RAB11FIP5: variants seen among roughly 807,000 people sequenced by gnomAD.
The protein encoded by RAB11FIP5 is RAB11 family interacting protein 5.
In RAB11FIP5, 48 loss-of-function variants were observed where a neutral mutation model predicts 85.1. That is an observed-to-expected ratio of 0.56 (90% CI 0.45 to 0.72). The LOEUF (loss-of-function observed/expected upper bound fraction) is 0.72. Among genes scored for constraint, RAB11FIP5 ranks in the 30% least tolerant of loss-of-function variants. RAB11FIP5 has a pLI of 0.00. For synonymous variants in RAB11FIP5, 729 were observed against 727.3 expected (o/e 1.00, Z -0.04); for missense variants, 1,491 against 1,687.0 (o/e 0.88, Z 2.04).
At chr2:73,112,220 T>C in intron 1 of RAB11FIP5, 127 bp downstream of exon 1, 1 of 1,123,254 alleles carries the variant, frequency 8.9e-7, no homozygotes, top group African/African-American at 1.7e-5. Flanking sequence ...AACGTTTCTG[T>C]CGGTTTACGC....
rs189450864 is a variant in RAB11FIP5, at chr2:73,075,065, G to C, written c.*456C>G. ...AACAGGCAGCGTGGTCATTGTCCCAGTAATACTAGAAGCCCCTCCAGGGAC... is the reference window on the plus strand; with the variant it reads ...AACAGGCAGCGTGGTCATTGTCCCACTAATACTAGAAGCCCCTCCAGGGAC... On this transcript the variant is annotated 3_prime_UTR_variant, in exon 6 of 6. Transcript: ENST00000486777. This position sits in a 1 kb window ranked among gnomAD's most constrained non-coding sequence, Gnocchi z 4.6. The C allele has an allele frequency of 1.4e-5, 5 of 364,774 alleles. No individual in the cohort carries two copies. The Admixed American group carries it at 1.9e-4, about 14-fold the overall frequency. 22.6% of individuals were successfully genotyped at this position (364,774 alleles called of 1,614,324 possible). A position where few individuals can be genotyped will look rare whatever the true frequency, so the allele number is the denominator to read the frequency against.
At chr2:73,093,728 C>G (rs925091036) in intron 1 of RAB11FIP5, among the ~76,000 whole-genome samples, 1 of 152,242 alleles carries the variant, frequency 6.6e-6, no homozygotes, top group African/African-American at 2.4e-5. Flanking sequence ...TCCTCTCACT[C>G]TCTCCCACGA....
intron 1 of RAB11FIP5, among the ~76,000 whole-genome samples, chr2:73,094,900 A>T (rs1684288036): frequency 6.6e-6 from 1 of 151,806 alleles, no homozygotes. Context: ...CTAGAAATTA[A>T]GAGTGTTAAG....
intron 1 of RAB11FIP5, among the ~76,000 whole-genome samples, chr2:73,107,150 G>C (rs1684544337): frequency 6.6e-6 from 1 of 152,146 alleles, no homozygotes; most frequent in Admixed American, 6.5e-5. Context: ...ACTCACATGT[G>C]GACTCATTTT....
In RAB11FIP5 at chr2:73,081,845, C is replaced by A. The variant is rs1387105051; in HGVS notation, c.1569-182G>T. The stretch of plus-strand genomic sequence containing the variant: ...AACATGTAACATTATCAAGTGCCTC[C>A]CAAGGAGAAATATGCCAGGCAAAGC... On this transcript the variant is annotated intron_variant, in intron 3 of 5. Coordinates refer to ENST00000486777, the MANE Select transcript of RAB11FIP5 (RefSeq NM_001371272.1). The surrounding 1 kb of genome is among the most constrained non-coding windows in gnomAD (Gnocchi z 4.2). Among the ~76,000 whole-genome samples the A allele has an allele frequency of 6.6e-6, 1 of 152,052 alleles. No individual in the cohort carries two copies. The highest frequency in any genetic ancestry group is 1.5e-5 in the Non-Finnish European group (1 of 68,004).
At chr2:73,092,954 G>C (rs1684245815) in intron 1 of RAB11FIP5, among the ~76,000 whole-genome samples, 1 of 152,136 alleles carries the variant, frequency 6.6e-6, no homozygotes, top group Non-Finnish European at 1.5e-5. Flanking sequence ...CCTTCTCCCA[G>C]AAGTATGGCC....
At chr2:73,085,775 C>G (rs1684080835) in intron 3 of RAB11FIP5, among the ~76,000 whole-genome samples, 1 of 152,316 alleles carries the variant, frequency 6.6e-6, no homozygotes, top group Middle Eastern at 3.4e-3. Context: ...CAGCCCCGGG[C>G]CTCTCTGTGG....
At position 73,112,864 on chromosome 2, in the gene RAB11FIP5, G is replaced by C; in HGVS notation, c.-87C>G. On this transcript the variant is annotated 5_prime_UTR_variant, in exon 1 of 6. Coordinates refer to ENST00000486777, the MANE Select transcript of RAB11FIP5 (RefSeq NM_001371272.1). ...ACCCGGCCGCGGCAGAAGGCGGTCA[G>C]GAACCAACTCTGAGCGCCGCCGCAG... 6 of 1,248,860 alleles carry C rather than the reference G, an allele frequency of 4.8e-6. No homozygotes were observed. The highest frequency in any genetic ancestry group is 6.2e-6 in the Non-Finnish European group (6 of 973,708). The allele number at this position is 1,248,860 out of a possible 1,614,324, so 77.4% of individuals were successfully genotyped here.
In RAB11FIP5 at chr2:73,086,628, T is replaced by C. The variant is rs182584282; in HGVS notation, c.1568+1422A>G. 3.3e-4 allele frequency among the ~76,000 whole-genome samples: 51 copies of C among 152,282 alleles called. No individual in the cohort carries two copies. In the East Asian group the frequency reaches 9.3e-3, roughly 28 times the overall value. On this transcript the variant is annotated intron_variant, in intron 3 of 5. Coordinates refer to ENST00000486777, the MANE Select transcript of RAB11FIP5 (RefSeq NM_001371272.1). This position sits in a 1 kb window ranked among gnomAD's most constrained non-coding sequence, Gnocchi z 4.4. Reference sequence around the variant, plus strand: ...TCCCAGCAAATGCCCTGTCCAGATCTCCTGCTACCTCCCTCTACCCTACCA... The same window carrying C: ...TCCCAGCAAATGCCCTGTCCAGATCCCCTGCTACCTCCCTCTACCCTACCA...
rs1389977882 is a variant in RAB11FIP5, at chr2:73,089,989, G to C, written c.432-674C>G. On this transcript the variant is annotated intron_variant, in intron 1 of 5. Transcript: ENST00000486777. The surrounding 1 kb of genome is among the most constrained non-coding windows in gnomAD (Gnocchi z 4.6). The stretch of plus-strand genomic sequence containing the variant: ...CAAGATGCAGGAACAGACAAGAATG[G>C]CAGAAAGAGACCCAGGAAAGACGAA... Among the ~76,000 whole-genome samples, 1 of 152,018 alleles carries C rather than the reference G, an allele frequency of 6.6e-6. No homozygotes were observed. Among genetic ancestry groups the C allele is most frequent in the Non-Finnish European group, 1.5e-5 (1 of 68,022 alleles).
rs781746269 is a variant in RAB11FIP5 at position 73,089,010 on chromosome 2, G to A, written c.737C>T (p.Thr246Ile). 1 of 1,614,244 alleles carries A rather than the reference G, an allele frequency of 6.2e-7. No homozygotes were observed. The highest frequency in any genetic ancestry group is 2.2e-5 in the East Asian group (1 of 44,884). ...LRNKLRKSSL[T>I]QSNTSLGSDS... ...CGAGCCCAGCGAGGTGTTGGACTGG[G>A]TCAGGGACGACTTGCGCAGCTTGTT... Residue 246 changes from threonine (T) to isoleucine (I), a missense_variant, in exon 2 of 6, where the codon ACC (threonine) becomes ATC (isoleucine). This residue lies in a region of RAB11FIP5 where 1,211 missense variants were observed against 1,338.0 expected (regional missense o/e 0.91). Transcript: ENST00000486777. The surrounding 1 kb of genome is among the most constrained non-coding windows in gnomAD (Gnocchi z 4.6).
In RAB11FIP5 at chr2:73,089,423, T is replaced by G; in HGVS notation, c.432-108A>C. 1 of 1,134,486 alleles carries G rather than the reference T, an allele frequency of 8.8e-7. No individual in the cohort carries two copies. The highest frequency in any genetic ancestry group is 1.3e-6 in the Non-Finnish European group (1 of 755,952). The allele number at this position is 1,134,486 out of a possible 1,614,324, so 70.3% of individuals were successfully genotyped here. On this transcript the variant is annotated intron_variant, in intron 1 of 5. Transcript: ENST00000486777. This position sits in a 1 kb window ranked among gnomAD's most constrained non-coding sequence, Gnocchi z 4.6. ...CCCTCCTTGCTCTGAGAGCCACTGATAGCCTCTCCCCAAAGGCTCCTGCTC... is the reference window on the plus strand; with the variant it reads ...CCCTCCTTGCTCTGAGAGCCACTGAGAGCCTCTCCCCAAAGGCTCCTGCTC...
At chr2:73,099,368 G>A (rs930295249) in intron 1 of RAB11FIP5, among the ~76,000 whole-genome samples, 1 of 152,176 alleles carries the variant, frequency 6.6e-6, no homozygotes, top group South Asian at 2.1e-4. Flanking sequence ...ACTTTGCAAT[G>A]CTGTATATTT....
At chr2:73,101,372 C>T in intron 1 of RAB11FIP5, among the ~76,000 whole-genome samples, 1 of 152,102 alleles carries the variant, frequency 6.6e-6, no homozygotes, top group Non-Finnish European at 1.5e-5. Context: ...GATCCTAACT[C>T]AACAAATCAC....
At position 73,088,969 on chromosome 2, in the gene RAB11FIP5, A is replaced by G; in HGVS notation, c.778T>C (p.Ser260Pro). 6.2e-7 allele frequency: 1 copy of G among 1,613,946 alleles called. No homozygotes were observed. The highest frequency in any genetic ancestry group is 8.5e-7 in the Non-Finnish European group (1 of 1,179,888). Reference sequence around the variant, plus strand: ...TGGTAGGCCAAGCTCCCGCTGGCTGAGGACAGGGTGCTGTCCGAGCCCAGC... The same window carrying G: ...TGGTAGGCCAAGCTCCCGCTGGCTGGGGACAGGGTGCTGTCCGAGCCCAGC... ...TSLGSDSTLS[S>P]ASGSLAYQGP... The change falls in exon 2 of 6, where the codon TCA (serine) becomes CCA (proline). Residue 260 changes from serine (S) to proline (P), a missense_variant. Physicochemically the swap from Ser to Pro is moderately conservative, Grantham distance 74. This residue lies in a region of RAB11FIP5 where 1,211 missense variants were observed against 1,338.0 expected (regional missense o/e 0.91). Transcript: ENST00000486777.
At chr2:73,100,524 C>G (rs1450667330) in intron 1 of RAB11FIP5, among the ~76,000 whole-genome samples, 1 of 143,234 alleles carries the variant, frequency 7.0e-6, no homozygotes, top group Non-Finnish European at 1.5e-5. Context: ...CTTCCAGGTT[C>G]AAGCAATTCT....
intron 1 of RAB11FIP5, among the ~76,000 whole-genome samples, chr2:73,097,790 T>A (rs1179618925): frequency 6.6e-6 from 1 of 152,196 alleles, no homozygotes; most frequent in African/African-American, 2.4e-5. Flanking sequence ...AGCCCCCAAC[T>A]GAACTAAGAA....
rs368089714 is a variant in RAB11FIP5, at chr2:73,089,241, G to A, written c.506C>T (p.Thr169Met). 17 of 1,614,048 alleles carry A rather than the reference G, an allele frequency of 1.1e-5. No individual in the cohort carries two copies. Among genetic ancestry groups the A allele is most frequent in the East Asian group, 2.2e-5 (1 of 44,880 alleles). Residue 169 changes from threonine (T) to methionine (M), a missense_variant, in exon 2 of 6, where the codon ACG becomes ATG. Physicochemically the swap from Thr to Met is moderately conservative, Grantham distance 81. This residue lies in a region of RAB11FIP5 where 1,211 missense variants were observed against 1,338.0 expected (regional missense o/e 0.91). Coordinates refer to ENST00000486777, the MANE Select transcript of RAB11FIP5 (RefSeq NM_001371272.1). The surrounding 1 kb of genome is among the most constrained non-coding windows in gnomAD (Gnocchi z 4.6). ...RGEIEVTIQF[T>M]RNNLSASMFD... ...CATACTGGCGCTCAGGTTGTTGCGC[G>A]TGAACTGGATGGTGACTTCAATCTC... is the stretch of plus-strand genomic sequence containing the variant.
intron 1 of RAB11FIP5, among the ~76,000 whole-genome samples, chr2:73,102,321 G>A (rs891212213): frequency 1.3e-5 from 2 of 152,114 alleles, no homozygotes; most frequent in Non-Finnish European, 2.9e-5. Context: ...GAGAGGTGAG[G>A]CAGGAGACCA....
Sources: gnomAD v4.1 joint callset for allele counts (sites outside exome capture counted in the v4.1 genomes callset) on GRCh38, gnomAD v4.1.1 for gene constraint, gnomAD v4.1.1 regional missense constraint, Gnocchi (gnomAD v3.1) non-coding constraint, MANE v1.5 for transcripts, NCBI Gene and HGNC (gene_info 2026-07-23, HGNC 2026-07-21) for gene names.